The following ZNF385D variants were observed in gnomAD, a reference collection of about 807,000 sequenced individuals.
The protein encoded by ZNF385D is zinc finger protein 385D.
Under a neutral mutation model 35.8 loss-of-function variants are expected in ZNF385D, and 15 were observed. The ratio of observed to expected loss-of-function variants is 0.42; its 90% confidence interval spans 0.28 to 0.64. The LOEUF (loss-of-function observed/expected upper bound fraction) is 0.64, where lower values mean the gene tolerates loss of function less well. ZNF385D is among the 30% of genes least tolerant of loss of function. The probability of loss-of-function intolerance (pLI) is 0.23; values close to 1 mark genes in which losing one functional copy is unlikely to be tolerated. For synonymous variants in ZNF385D, 212 were observed against 186.8 expected (o/e 1.13, Z -1.10); for missense variants, 474 against 494.6 (o/e 0.96, Z 0.39).
At chr3:21,837,410 T>C (rs1400332945) in intron 3 of ZNF385D, among the ~76,000 whole-genome samples, 1 of 152,062 alleles carries the variant, frequency 6.6e-6, no homozygotes, top group Non-Finnish European at 1.5e-5. Flanking sequence ...TGGAATCAGA[T>C]GGTTCAGTTG....
intron 3 of ZNF385D, among the ~76,000 whole-genome samples, chr3:22,112,896 C>A (rs546546451): frequency 1.3e-5 from 2 of 152,186 alleles, no homozygotes; most frequent in Admixed American, 1.3e-4. Flanking sequence ...TTCAGTAAAT[C>A]CAGAGATGAA....
intron 2 of ZNF385D, among the ~76,000 whole-genome samples, chr3:22,364,388 T>C (rs1012436951): frequency 6.6e-6 from 1 of 152,034 alleles, no homozygotes; most frequent in Non-Finnish European, 1.5e-5. Flanking sequence ...AGAATATACA[T>C]GGAACTCCTA....
chr3:21,517,279 A>G (rs13323807), intron 3 of ZNF385D, among the ~76,000 whole-genome samples: 52,888 of 151,752 alleles, frequency 0.35, 9,305 homozygotes, highest in African/African-American at 0.37. Context: ...CTTGGCAAGT[A>G]AGTGAAGCCA....
chr3:21,566,702 T>C (rs1197367620), intron 2 of ZNF385D, among the ~76,000 whole-genome samples: 1 of 152,210 alleles, frequency 6.6e-6, no homozygotes, highest in East Asian at 1.9e-4. Flanking sequence ...TATTTAGGTA[T>C]TGTATAATAA....
intron 3 of ZNF385D, among the ~76,000 whole-genome samples, chr3:22,004,403 C>T (rs924030720): frequency 1.3e-5 from 2 of 152,044 alleles, no homozygotes; most frequent in East Asian, 3.8e-4. Context: ...TTCAAAAGCA[C>T]AAGCAACAAA....
At chr3:22,083,579 A>C (rs1381315094) in intron 3 of ZNF385D, among the ~76,000 whole-genome samples, 3 of 152,240 alleles carry the variant, frequency 2.0e-5, no homozygotes, top group African/African-American at 4.8e-5. Context: ...ATATGGGACT[A>C]TGTGAAAAGA....
chr3:21,574,119 G>A (rs1340876397), intron 2 of ZNF385D, among the ~76,000 whole-genome samples: 1 of 151,154 alleles, frequency 6.6e-6, no homozygotes, highest in Admixed American at 6.6e-5. Context: ...TCTAGGCAGT[G>A]ACCAACAATT....
intron 3 of ZNF385D, among the ~76,000 whole-genome samples, chr3:21,977,050 T>G (rs983462873): frequency 6.6e-6 from 1 of 152,128 alleles, no homozygotes; most frequent in Admixed American, 6.6e-5. Flanking sequence ...GAATCAAACA[T>G]GGTATTGTAC....
chr3:21,668,204 T>A (rs961692548), intron 1 of ZNF385D, among the ~76,000 whole-genome samples: 5 of 152,178 alleles, frequency 3.3e-5, no homozygotes, highest in Admixed American at 6.5e-5. Flanking sequence ...CAAATTGCCC[T>A]GGGCCAAAGG....
In ZNF385D at chr3:21,747,171, T is replaced by C. The variant is rs369764407; in HGVS notation, c.22+3724A>G. Among the ~76,000 whole-genome samples the C allele has an allele frequency of 7.2e-5, 11 of 152,198 alleles. 1 individual carries two copies. The East Asian group carries it at 1.4e-3, about 19-fold the overall frequency. On this transcript the variant is annotated intron_variant, in intron 1 of 7. Coordinates refer to ENST00000281523, the MANE Select transcript of ZNF385D (RefSeq NM_024697.3). Reference sequence around the variant, plus strand: ...TAGGCATTTTAATGAAGAGAGTTGATCCACAACTAACACCAAGGCGAACTT... The same window carrying C: ...TAGGCATTTTAATGAAGAGAGTTGACCCACAACTAACACCAAGGCGAACTT...
At chr3:21,456,673 C>A (rs1702836594) in intron 4 of ZNF385D, among the ~76,000 whole-genome samples, 1 of 152,080 alleles carries the variant, frequency 6.6e-6, no homozygotes, top group Admixed American at 6.6e-5. Flanking sequence ...CAACATGTCA[C>A]ATGTATACAT....
rs1191773683 is a variant in ZNF385D, at chr3:21,428,965, G to A, written c.674-3295C>T. Among the ~76,000 whole-genome samples the A allele has an allele frequency of 6.2e-5, 5 of 80,106 alleles. 1 individual carries two copies. The highest frequency in any genetic ancestry group is 2.7e-4 in the East Asian group (1 of 3,654). The allele number at this position is 80,106 out of a possible 152,430, so 52.6% of individuals were successfully genotyped here. A position where few individuals can be genotyped will look rare whatever the true frequency, so the allele number is the denominator to read the frequency against. On this transcript the variant is annotated intron_variant, in intron 5 of 7. Coordinates refer to ENST00000281523, the MANE Select transcript of ZNF385D (RefSeq NM_024697.3). The stretch of plus-strand genomic sequence containing the variant: ...TTTTTTGCTTTCTGCTTAATTGTTC[G>A]TTTTGGAGTATTTGGGGGAAAGATA...
chr3:21,702,660 T>A (rs1265477928), intron 1 of ZNF385D, among the ~76,000 whole-genome samples: 1 of 152,188 alleles, frequency 6.6e-6, no homozygotes, highest in Non-Finnish European at 1.5e-5. Flanking sequence ...CCTTTGAAAA[T>A]GGAATGCCTT....
chr3:22,035,306 G>C (rs1698247806), intron 3 of ZNF385D, among the ~76,000 whole-genome samples: 1 of 152,146 alleles, frequency 6.6e-6, no homozygotes, highest in African/African-American at 2.4e-5. Flanking sequence ...AACAGGGCTG[G>C]ACAGTCTTGT....
intron 3 of ZNF385D, among the ~76,000 whole-genome samples, chr3:21,761,169 G>T (rs1458297088): frequency 6.6e-6 from 1 of 152,044 alleles, no homozygotes; most frequent in East Asian, 1.9e-4. Context: ...CCTTGGAAGG[G>T]GATTCTTCAA....
At chr3:21,929,944 G>A (rs1245862434) in intron 3 of ZNF385D, among the ~76,000 whole-genome samples, 1 of 151,972 alleles carries the variant, frequency 6.6e-6, no homozygotes, top group Non-Finnish European at 1.5e-5. Context: ...AAATTGCCAA[G>A]CTTATCCTAA....
intron 3 of ZNF385D, among the ~76,000 whole-genome samples, chr3:22,015,500 CT>C (rs1294020136): frequency 6.6e-6 from 1 of 151,994 alleles, no homozygotes; most frequent in Non-Finnish European, 1.5e-5. Flanking sequence ...TTCCAACATT[CT>C]GCTTCATCAG....
At chr3:21,493,904 G>T (rs1242116709) in intron 4 of ZNF385D, among the ~76,000 whole-genome samples, 1 of 152,092 alleles carries the variant, frequency 6.6e-6, no homozygotes, top group African/African-American at 2.4e-5. Context: ...AGGTAATCTT[G>T]TATCTTTAGC....
chr3:21,791,365 A>G (rs764643925), intron 3 of ZNF385D, among the ~76,000 whole-genome samples: 2 of 152,230 alleles, frequency 1.3e-5, no homozygotes, highest in Non-Finnish European at 2.9e-5. Flanking sequence ...GTGGCATGTG[A>G]TATTAGGGGA....
Sources: allele counts gnomAD v4.1 joint callset (sites outside exome capture counted in the v4.1 genomes callset), GRCh38; gene constraint gnomAD v4.1.1; transcripts MANE v1.5; gene names NCBI Gene and HGNC (gene_info 2026-07-23, HGNC 2026-07-21).